Variants in PALM2AKAP2 observed in about 807,000 individuals in gnomAD.
The protein encoded by PALM2AKAP2 is PALM2-AKAP2 fusion protein.
PALM2AKAP2 carries 37 observed loss-of-function variants against 71.5 expected under a neutral mutation model. That is an observed-to-expected ratio of 0.52 (90% CI 0.40 to 0.68). PALM2AKAP2 has a LOEUF of 0.68. PALM2AKAP2 is among the 30% of genes least tolerant of loss of function. The pLI is 0.00. For missense variants in PALM2AKAP2, 1,224 were observed against 1,191.8 expected, an observed-to-expected ratio of 1.03 and a Z score of -0.40; for synonymous variants, 468 against 478.8, an observed-to-expected ratio of 0.98 and a Z score of 0.29.
chr9:110,152,476 C>A (rs1836343929), intron 2 of PALM2AKAP2, among the ~76,000 whole-genome samples: 1 of 152,038 alleles, frequency 6.6e-6, no homozygotes, highest in Non-Finnish European at 1.5e-5. Context: ...CAAAGATAAC[C>A]ATCATGGTTT....
chr9:109,660,501 C>G (rs1827376403), intron 1 of PALM2AKAP2, among the ~76,000 whole-genome samples: 1 of 152,076 alleles, frequency 6.6e-6, no homozygotes, highest in South Asian at 2.1e-4. Context: ...CCAGCTTCAT[C>G]CATTTTCCTG....
intron 1 of PALM2AKAP2, among the ~76,000 whole-genome samples, chr9:109,684,053 C>T (rs1285520496): frequency 1.3e-5 from 2 of 152,096 alleles, no homozygotes; most frequent in Non-Finnish European, 2.9e-5. Context: ...TATAATGTCG[C>T]CAGCCTCTTT....
intron 1 of PALM2AKAP2, among the ~76,000 whole-genome samples, chr9:109,795,111 G>A (rs1827215966): frequency 6.6e-6 from 1 of 152,174 alleles, no homozygotes; most frequent in Non-Finnish European, 1.5e-5. Context: ...TGCTGTCTGT[G>A]GGGCCGATCT....
chr9:109,673,316 C>T (rs376243799), intron 1 of PALM2AKAP2, among the ~76,000 whole-genome samples: 12 of 152,072 alleles, frequency 7.9e-5, no homozygotes, highest in South Asian at 4.1e-4. Context: ...TCTTTGTTCC[C>T]GTTAGTTTCA....
At chr9:109,919,171 C>T (rs1244693124) in intron 3 of PALM2AKAP2, among the ~76,000 whole-genome samples, 1 of 152,196 alleles carries the variant, frequency 6.6e-6, no homozygotes, top group African/African-American at 2.4e-5. Context: ...GTGCCTAGCT[C>T]GGAGTCCAAC....
At chr9:109,692,218 T>C (rs1370391362) in intron 1 of PALM2AKAP2, among the ~76,000 whole-genome samples, 1 of 151,650 alleles carries the variant, frequency 6.6e-6, no homozygotes, top group Non-Finnish European at 1.5e-5. Flanking sequence ...TATTGTAAAT[T>C]TCAATTTCCA....
intron 3 of PALM2AKAP2, among the ~76,000 whole-genome samples, chr9:109,916,206 T>C (rs1213450889): frequency 6.6e-6 from 1 of 152,072 alleles, no homozygotes; most frequent in African/African-American, 2.4e-5. Flanking sequence ...GGCCTCCCAA[T>C]GTATTGGCTT....
chr9:109,656,904 T>C lies in PALM2AKAP2; in HGVS notation c.5+16038T>C, dbSNP rs138583646. 5.9e-3 allele frequency among the ~76,000 whole-genome samples: 895 copies of C among 152,332 alleles called. 10 individuals are homozygous for C. Among genetic ancestry groups the C allele is most frequent in the African/African-American group, 0.02 (851 of 41,578 alleles). ...CCTTTCATCTTAGCCTCCTCAAGCC[T>C]CTGGTCTCACCATTATATTGTAGCA... On this transcript the variant is annotated intron_variant, in intron 1 of 6. Coordinates refer to the PALM2AKAP2 transcript ENST00000374531.
At chr9:109,788,862 C>G (rs571136454) in intron 1 of PALM2AKAP2, among the ~76,000 whole-genome samples, 2 of 152,308 alleles carry the variant, frequency 1.3e-5, no homozygotes, top group South Asian at 2.1e-4. Flanking sequence ...CGCTTAAGCC[C>G]AGGAGTTCAA....
chr9:109,953,705 C>T (rs1349989733), intron 6 of PALM2AKAP2, among the ~76,000 whole-genome samples: 7 of 151,762 alleles, frequency 4.6e-5, no homozygotes, highest in South Asian at 2.1e-4. Context: ...CTTGGTGGCA[C>T]GTGCCTGTAA....
chr9:109,787,015 G>T (rs543879770), intron 1 of PALM2AKAP2, among the ~76,000 whole-genome samples: 1 of 152,284 alleles, frequency 6.6e-6, no homozygotes, highest in South Asian at 2.1e-4. Context: ...AGTAAGAGTT[G>T]GTCATTCTGT....
intron 5 of PALM2AKAP2, among the ~76,000 whole-genome samples, chr9:109,928,945 G>A (rs1371334208): frequency 6.6e-6 from 1 of 152,116 alleles, no homozygotes; most frequent in Non-Finnish European, 1.5e-5. Context: ...GGGTTTACAG[G>A]TGTGAGCTAC....
At chr9:109,930,053 T>C (rs1310800298) in intron 5 of PALM2AKAP2, among the ~76,000 whole-genome samples, 1 of 151,934 alleles carries the variant, frequency 6.6e-6, no homozygotes, top group East Asian at 1.9e-4. Context: ...AGGCTCAATT[T>C]CCTTCCTTGC....
intron 1 of PALM2AKAP2, among the ~76,000 whole-genome samples, chr9:110,051,246 A>C (rs146017315): frequency 2.4e-4 from 36 of 152,340 alleles, no homozygotes; most frequent in African/African-American, 7.9e-4. Flanking sequence ...TTTCACTTTC[A>C]TAAGTGGCTT....
intron 7 of PALM2AKAP2, among the ~76,000 whole-genome samples, chr9:110,031,219 T>A (rs992616701): frequency 1.3e-5 from 2 of 152,164 alleles, no homozygotes; most frequent in Non-Finnish European, 2.9e-5. Context: ...ACCTCCCAGG[T>A]TCAAGTATTT....
chr9:110,045,982 T>A (rs1588075498), upstream of PALM2AKAP2, among the ~76,000 whole-genome samples: 1 of 152,206 alleles, frequency 6.6e-6, no homozygotes, highest in African/African-American at 2.4e-5. Flanking sequence ...AATAATTCTT[T>A]GTTGGTGGGG....
chr9:109,990,810 G>A lies in PALM2AKAP2; in HGVS notation c.497-25144G>A, dbSNP rs573525363. Among the ~76,000 whole-genome samples the A allele has an allele frequency of 2.0e-4, 31 of 152,340 alleles. No homozygotes were observed. The East Asian group carries it at 5.2e-3, about 26-fold the overall frequency. On this transcript the variant is annotated intron_variant, in intron 6 of 9. Coordinates refer to the PALM2AKAP2 transcript ENST00000302798. ...ATACTTTGCCTTTTGTTCCTTGTGAGATAAACATGAGCCCAGAATCCTGTA... is the reference window on the plus strand; with the variant it reads ...ATACTTTGCCTTTTGTTCCTTGTGAAATAAACATGAGCCCAGAATCCTGTA...
intron 6 of PALM2AKAP2, among the ~76,000 whole-genome samples, chr9:109,972,114 G>A (rs2132158258): frequency 6.6e-6 from 1 of 152,298 alleles, no homozygotes; most frequent in South Asian, 2.1e-4. Flanking sequence ...TAAGGACAAG[G>A]GACCATATCT....
intron 3 of PALM2AKAP2, among the ~76,000 whole-genome samples, chr9:109,893,252 T>A (rs957390069): frequency 1.3e-5 from 2 of 152,196 alleles, no homozygotes; most frequent in African/African-American, 4.8e-5. Context: ...GTTTACCACC[T>A]ACCTGCCAGC....
Sources: gnomAD v4.1 joint callset for allele counts (sites outside exome capture counted in the v4.1 genomes callset) on GRCh38, gnomAD v4.1.1 for gene constraint, MANE v1.5 for transcripts, NCBI Gene and HGNC (gene_info 2026-07-23, HGNC 2026-07-21) for gene names.